Variants in MACROD2 observed in about 807,000 individuals in gnomAD.
The protein encoded by MACROD2 is mono-ADP ribosylhydrolase 2, also known as ADP-ribose glycohydrolase MACROD2.
MACROD2 carries 36 observed loss-of-function variants against 70.4 expected under a neutral mutation model. The ratio of observed to expected loss-of-function variants is 0.51; its 90% CI spans 0.39 to 0.68. The LOEUF (loss-of-function observed/expected upper bound fraction) is 0.68, where lower values mean the gene tolerates loss of function less well. Ranked by LOEUF, MACROD2 falls within the 30% of genes least tolerant of loss-of-function variation. MACROD2 has a pLI of 0.00. For missense variants in MACROD2, 496 were observed against 538.4 expected (o/e 0.92, Z 0.78); for synonymous variants, 172 against 178.8 (o/e 0.96, Z 0.30).
chr20:15,129,542 T>C (rs1024302322), intron 5 of MACROD2, among the ~76,000 whole-genome samples: 1 of 152,154 alleles, frequency 6.6e-6, no homozygotes, highest in Non-Finnish European at 1.5e-5. Flanking sequence ...ATAGACTACT[T>C]AAATTAATCT....
At chr20:15,606,558 G>A (rs917463632) in intron 8 of MACROD2, among the ~76,000 whole-genome samples, 2 of 152,156 alleles carry the variant, frequency 1.3e-5, no homozygotes, top group African/African-American at 2.4e-5. Flanking sequence ...GTGTCCCAAC[G>A]CACTAATTTT....
intron 3 of MACROD2, among the ~76,000 whole-genome samples, chr20:14,387,841 T>C (rs2083485039): frequency 6.6e-6 from 1 of 152,232 alleles, no homozygotes; most frequent in African/African-American, 2.4e-5. Flanking sequence ...TCTGAAATAC[T>C]ATAGTTTATT....
At chr20:15,305,120 C>G (rs1363639543) in intron 6 of MACROD2, among the ~76,000 whole-genome samples, 2 of 152,216 alleles carry the variant, frequency 1.3e-5, no homozygotes, top group Non-Finnish European at 2.9e-5. Flanking sequence ...AATCACAGCA[C>G]TAACTCCATG....
intron 6 of MACROD2, 76 bp from the exon 7 acceptor site, chr20:15,431,329 A>G (rs1004384375): frequency 7.3e-7 from 1 of 1,361,494 alleles, no homozygotes; most frequent in Non-Finnish European, 1.0e-6. Context: ...ATCAAACAAA[A>G]TAGATGTTGA....
At position 16,035,084 on chromosome 20, in the gene MACROD2, T is replaced by A. The variant is rs6135649; in HGVS notation, c.1154-6117T>A. Among the ~76,000 whole-genome samples, 24 of 21,258 alleles carry A rather than the reference T, an allele frequency of 1.1e-3. 1 individual carries two copies. The East Asian group carries it at 0.038, about 34-fold the overall frequency. 13.9% of individuals were successfully genotyped at this position (21,258 alleles called of 152,430 possible). ...AATATTATATATAAAATATAATATG[T>A]AATATAAAATATTATATATTATATA... On this transcript the variant is annotated intron_variant, in intron 15 of 17. Coordinates refer to ENST00000684519, the MANE Select transcript of MACROD2 (RefSeq NM_001351661.2).
intron 13 of MACROD2, among the ~76,000 whole-genome samples, chr20:15,976,520 A>G (rs904558844): frequency 1.3e-5 from 2 of 152,232 alleles, no homozygotes; most frequent in South Asian, 4.1e-4. Context: ...CATGGGGCCA[A>G]GAAAGCAGGA....
At chr20:14,192,450 G>A (rs2081396587) in intron 3 of MACROD2, among the ~76,000 whole-genome samples, 1 of 152,142 alleles carries the variant, frequency 6.6e-6, no homozygotes, top group South Asian at 2.1e-4. Context: ...CACGGGAGGT[G>A]TATCTTAGGA....
chr20:14,042,482 C>G (rs1403670685), intron 2 of MACROD2, among the ~76,000 whole-genome samples: 1 of 152,104 alleles, frequency 6.6e-6, no homozygotes, highest in African/African-American at 2.4e-5. Context: ...CAGACACCAG[C>G]TAGTGTCCTC....
intron 13 of MACROD2, among the ~76,000 whole-genome samples, chr20:15,968,895 A>G (rs1247099178): frequency 1.3e-5 from 2 of 149,946 alleles, no homozygotes; most frequent in African/African-American, 4.9e-5. Flanking sequence ...TCAGTGAGCT[A>G]ATAAGATACT....
At chr20:14,584,982 A>G (rs1438123277) in intron 4 of MACROD2, among the ~76,000 whole-genome samples, 1 of 152,192 alleles carries the variant, frequency 6.6e-6, no homozygotes, top group Non-Finnish European at 1.5e-5. Flanking sequence ...CTTTGGGAAC[A>G]AATCTTCTTT....
intron 5 of MACROD2, among the ~76,000 whole-genome samples, chr20:14,819,688 G>A (rs555637243): frequency 6.6e-6 from 1 of 152,226 alleles, no homozygotes; most frequent in Admixed American, 6.5e-5. Flanking sequence ...CTTTCTGCAG[G>A]AAGTAAATTT....
intron 3 of MACROD2, among the ~76,000 whole-genome samples, chr20:14,087,941 T>TAC (rs1233928656): frequency 6.6e-6 from 1 of 152,078 alleles, no homozygotes; most frequent in Non-Finnish European, 1.5e-5. Context: ...TTTATATATA[T>TAC]ACACACATAT....
intron 8 of MACROD2, among the ~76,000 whole-genome samples, chr20:15,555,404 T>C (rs939880429): frequency 1.3e-5 from 2 of 152,142 alleles, no homozygotes; most frequent in African/African-American, 4.8e-5. Flanking sequence ...GTTTTATCAA[T>C]ACAGTTTAAT....
chr20:15,495,912 A>C (rs1258742307), intron 7 of MACROD2, among the ~76,000 whole-genome samples: 1 of 152,238 alleles, frequency 6.6e-6, no homozygotes, highest in Admixed American at 6.5e-5. Context: ...TACACTAGGA[A>C]AAAAGGAGGA....
intron 2 of MACROD2, among the ~76,000 whole-genome samples, chr20:14,042,348 CA>C (rs1265444057): frequency 1.3e-5 from 2 of 152,092 alleles, no homozygotes; most frequent in East Asian, 3.9e-4. Context: ...TAGAACCCTG[CA>C]GTGGAAAAAA....
At chr20:15,379,271 T>TATA (rs1460446939) in intron 6 of MACROD2, among the ~76,000 whole-genome samples, 5 of 152,178 alleles carry the variant, frequency 3.3e-5, no homozygotes, top group African/African-American at 1.2e-4. Flanking sequence ...CATCTTTATA[T>TATA]ATCTCTGACT....
At chr20:15,969,513 A>G (rs1376474394) in intron 13 of MACROD2, among the ~76,000 whole-genome samples, 1 of 152,210 alleles carries the variant, frequency 6.6e-6, no homozygotes, top group East Asian at 1.9e-4. Context: ...ACAATGAAAG[A>G]GTCTAGAAGT....
chr20:14,026,812 A>G (rs905413814), intron 2 of MACROD2, among the ~76,000 whole-genome samples: 5 of 152,160 alleles, frequency 3.3e-5, no homozygotes, highest in Non-Finnish European at 4.4e-5. Context: ...AAATCTGACA[A>G]TTATGTGTCT....
At position 15,492,343 on chromosome 20, in the gene MACROD2, C is replaced by T. The variant is rs144067215; in HGVS notation, c.572-7431C>T. Among the ~76,000 whole-genome samples the T allele has an allele frequency of 1.9e-3, 277 of 142,064 alleles. 1 individual carries two copies. The highest frequency in any genetic ancestry group is 7.0e-3 in the African/African-American group (267 of 38,250). The allele number at this position is 142,064 out of a possible 152,430, so 93.2% of individuals were successfully genotyped here. A position where few individuals can be genotyped will look rare whatever the true frequency, so the allele number is the denominator to read the frequency against. ...AAATGTATTGCCCAGTACCTGCCAT[C>T]ACATCCTCCATCTACACCCTCCAAT... On this transcript the variant is annotated intron_variant, in intron 7 of 17. Coordinates refer to ENST00000684519, the MANE Select transcript of MACROD2 (RefSeq NM_001351661.2).
Sources: allele counts gnomAD v4.1 joint callset (sites outside exome capture counted in the v4.1 genomes callset), GRCh38; gene constraint gnomAD v4.1.1; transcripts MANE v1.5; gene names NCBI Gene and HGNC (gene_info 2026-07-23, HGNC 2026-07-21).